Variants in GRIK1 observed in about 807,000 individuals in gnomAD.
The protein encoded by GRIK1 is glutamate receptor ionotropic, kainate 1.
GRIK1 carries 69 observed loss-of-function variants against 105.7 expected under a neutral mutation model. That is an observed-to-expected ratio of 0.65 (90% CI 0.54 to 0.80). GRIK1 has a LOEUF of 0.80. Ranked by LOEUF, GRIK1 falls within the 30% of genes least tolerant of loss-of-function variation. The pLI, the probability that GRIK1 is intolerant of heterozygous loss-of-function variation, is 0.00. For missense variants in GRIK1, 1,109 were observed against 1,167.3 expected, an observed-to-expected ratio of 0.95 and a Z score of 0.73; for synonymous variants, 438 against 431.3, an observed-to-expected ratio of 1.02 and a Z score of -0.19.
chr21:29,615,077 A>T (rs1393375981), intron 7 of GRIK1, among the ~76,000 whole-genome samples: 1 of 151,682 alleles, frequency 6.6e-6, no homozygotes, highest in Non-Finnish European at 1.5e-5. Context: ...GGTCAATTCA[A>T]ATGTCACCTC....
intron 4 of GRIK1, among the ~76,000 whole-genome samples, chr21:29,666,438 A>T (rs888573590): frequency 6.6e-5 from 10 of 152,178 alleles, no homozygotes; most frequent in Non-Finnish European, 1.2e-4. Context: ...TTTATTAATT[A>T]AAAAAAGAAA....
At chr21:29,813,410 A>C (rs2067065109) in intron 1 of GRIK1, among the ~76,000 whole-genome samples, 1 of 152,170 alleles carries the variant, frequency 6.6e-6, no homozygotes. Flanking sequence ...GAGTCCTCTT[A>C]GGAGCACAAG....
Position 29,599,954 on chromosome 21 carries a change from C to T in GRIK1, c.1099-1017G>A, listed in dbSNP as rs1005798156. On this transcript the variant is annotated intron_variant, in intron 7 of 17. Coordinates refer to ENST00000327783, the MANE Select transcript of GRIK1 (RefSeq NM_001330994.2). ...ACAAAATATTAGCCAGGCGTGGTGG[C>T]GCATGCTTGTAATCCCAGCTACTCG... is the stretch of plus-strand genomic sequence containing the variant. Among the ~76,000 whole-genome samples the T allele has an allele frequency of 2.0e-5, 3 of 152,092 alleles. No individual in the cohort carries two copies. The East Asian group carries it at 5.8e-4, about 29-fold the overall frequency.
chr21:29,891,794 A>T (rs1041118835), intron 1 of GRIK1, among the ~76,000 whole-genome samples: 1 of 152,328 alleles, frequency 6.6e-6, no homozygotes, highest in African/African-American at 2.4e-5. Context: ...CTGTTAAAAA[A>T]ATTTATATAC....
rs568703914 is a variant in GRIK1, at chr21:29,693,853, A to G, written c.286+43T>C. The G allele has an allele frequency of 1.5e-4, 214 of 1,444,920 alleles. 2 individuals are homozygous for G. The South Asian group carries it at 2.4e-3, about 16-fold the overall frequency. 89.5% of individuals were successfully genotyped at this position (1,444,920 alleles called of 1,614,324 possible). On this transcript the variant is annotated intron_variant, in intron 2 of 17. Transcript: ENST00000327783. ...AAAAAGAAGGTGACTTGGAGAGCAG[A>G]CATATCACCCAAAGAAGCTTTTAAA...
rs1491324595 is a variant in GRIK1, at chr21:29,712,123, C to CACACACATAT, written c.119-18061_119-18060insATATGTGTGT. 4.8e-5 allele frequency among the ~76,000 whole-genome samples: 7 copies of CACACACATAT among 147,130 alleles called. No individual in the cohort carries two copies. In the East Asian group the frequency reaches 1.4e-3, roughly 29 times the overall value. ...ACACACACACACACACACACACACACATATATATAGGTCCTGGAATCATAC... is the reference window on the plus strand; with the variant it reads ...ACACACACACACACACACACACACACACACACATATATATATATAGGTCCTGGAATCATAC... On this transcript the variant is annotated intron_variant, in intron 1 of 17. Transcript: ENST00000327783.
At chr21:29,772,053 T>C (rs1355372418) in intron 1 of GRIK1, among the ~76,000 whole-genome samples, 3 of 152,262 alleles carry the variant, frequency 2.0e-5, no homozygotes, top group East Asian at 1.9e-4. Flanking sequence ...CGTTGGAACT[T>C]GCCATTTTCA....
chr21:29,936,094 C>A (rs998507531), intron 1 of GRIK1, among the ~76,000 whole-genome samples: 1 of 152,064 alleles, frequency 6.6e-6, no homozygotes, highest in Non-Finnish European at 1.5e-5. Context: ...GACTAAATAA[C>A]CCTCACTCAC....
chr21:29,649,354 C>A (rs909240034), intron 6 of GRIK1, among the ~76,000 whole-genome samples: 2 of 152,184 alleles, frequency 1.3e-5, no homozygotes, highest in Admixed American at 1.3e-4. Flanking sequence ...AGTGAGCTAC[C>A]CTCTTCTGCT....
At chr21:29,560,538 T>TTCTC (rs1187419815) in intron 15 of GRIK1, among the ~76,000 whole-genome samples, 4 of 106,100 alleles carry the variant, frequency 3.8e-5, no homozygotes, top group Non-Finnish European at 7.2e-5. Context: ...CTTTCTTTCT[T>TTCTC]TCTTTCTTTC....
At chr21:29,677,731 T>C (rs2063299368) in intron 3 of GRIK1, among the ~76,000 whole-genome samples, 1 of 152,328 alleles carries the variant, frequency 6.6e-6, no homozygotes, top group Middle Eastern at 3.4e-3. Flanking sequence ...CCTTAGAATA[T>C]ACCTCTGAGG....
chr21:29,712,848 T>C (rs1371084027), intron 1 of GRIK1, among the ~76,000 whole-genome samples: 2 of 152,228 alleles, frequency 1.3e-5, no homozygotes, highest in Non-Finnish European at 1.5e-5. Context: ...GACACTTTTA[T>C]AGTTTTATGT....
At chr21:29,876,681 T>C (rs1480655629) in intron 1 of GRIK1, among the ~76,000 whole-genome samples, 1 of 152,222 alleles carries the variant, frequency 6.6e-6, no homozygotes, top group Non-Finnish European at 1.5e-5. Context: ...TCATCTAATA[T>C]GTTCTTTGGA....
At chr21:29,858,700 G>A (rs2068540566) in intron 1 of GRIK1, among the ~76,000 whole-genome samples, 1 of 152,032 alleles carries the variant, frequency 6.6e-6, no homozygotes, top group Non-Finnish European at 1.5e-5. Flanking sequence ...TACCACTCCT[G>A]CCAAGCCATG....
intron 3 of GRIK1, among the ~76,000 whole-genome samples, chr21:29,687,581 G>C (rs1004897634): frequency 2.0e-5 from 3 of 152,160 alleles, no homozygotes; most frequent in African/African-American, 7.2e-5. Context: ...ATTTTGGATT[G>C]TAAATTTCAA....
chr21:29,689,601 A>G (rs1374105927), intron 3 of GRIK1, 127 bp downstream of exon 3: 2 of 766,628 alleles, frequency 2.6e-6, no homozygotes, highest in Admixed American at 2.2e-5. Context: ...ACTTCAGAAT[A>G]TTCAGTTAGC....
At chr21:29,668,532 C>T (rs1252844075) in intron 4 of GRIK1, among the ~76,000 whole-genome samples, 2 of 152,256 alleles carry the variant, frequency 1.3e-5, no homozygotes, top group East Asian at 3.9e-4. Context: ...GAGAAAGAGG[C>T]CAGGTCAGGT....
At chr21:29,651,312 T>A (rs774286172) in intron 5 of GRIK1, 21 bp from the exon 6 acceptor site, 1 of 1,527,332 alleles carries the variant, frequency 6.5e-7, no homozygotes, top group South Asian at 1.2e-5. Context: ...TCAAAAAGGA[T>A]AACAGTGGAA....
At chr21:29,807,144 C>A (rs2066884637) in intron 1 of GRIK1, among the ~76,000 whole-genome samples, 1 of 152,160 alleles carries the variant, frequency 6.6e-6, no homozygotes, top group African/African-American at 2.4e-5. Flanking sequence ...TCTGTCTCAA[C>A]AATTCTTCAA....
Sources: gnomAD v4.1 joint callset for allele counts (sites outside exome capture counted in the v4.1 genomes callset) on GRCh38, gnomAD v4.1.1 for gene constraint, MANE v1.5 for transcripts, NCBI Gene and HGNC (gene_info 2026-07-23, HGNC 2026-07-21) for gene names.